Variants in SPR observed in about 807,000 individuals in gnomAD.
SPR encodes the protein sepiapterin reductase.
In SPR, 12 loss-of-function variants were observed where a neutral mutation model predicts 16.0. The ratio of observed to expected loss-of-function variants is 0.75; its 90% CI spans 0.48 to 1.22. The LOEUF (loss-of-function observed/expected upper bound fraction) is 1.22. Ranked by LOEUF, SPR falls within the 50% of genes most tolerant of loss-of-function variation. SPR has a pLI of 0.00. For missense variants in SPR, 324 were observed against 344.4 expected, an observed-to-expected ratio of 0.94 and a Z score of 0.47; for synonymous variants, 177 against 168.5, an observed-to-expected ratio of 1.05 and a Z score of -0.39.
At chr2:72,888,749 A>G in intron 2 of SPR, 145 bp downstream of exon 2, 1 of 930,370 alleles carries the variant, frequency 1.1e-6, no homozygotes, top group Non-Finnish European at 1.5e-6. Context: ...CTTAGGGGAA[A>G]TACAGACCCA....
In SPR at chr2:72,891,808, T is replaced by G. The variant is rs2105243614; in HGVS notation, c.*271T>G. 2.0e-6 allele frequency: 1 copy of G among 510,602 alleles called. No homozygotes were observed. Among genetic ancestry groups the G allele is most frequent in the Admixed American group, 3.2e-5 (1 of 31,190 alleles). 31.6% of individuals were successfully genotyped at this position (510,602 alleles called of 1,614,324 possible). A position where few individuals can be genotyped will look rare whatever the true frequency, so the allele number is the denominator to read the frequency against. ...GTGTCTCTATCCCCAGGAATAGAAC[T>G]TAAGGGGTGGGAAGAACAGGAAAAG... On this transcript the variant is annotated 3_prime_UTR_variant, in exon 3 of 3. Coordinates refer to ENST00000234454, the MANE Select transcript of SPR (RefSeq NM_003124.5).
Position 72,891,704 on chromosome 2 carries a change from T to C in SPR, c.*167T>C. 4 of 794,760 alleles carry C rather than the reference T, an allele frequency of 5.0e-6. No individual in the cohort carries two copies. Among genetic ancestry groups the C allele is most frequent in the Admixed American group, 2.1e-5 (1 of 47,732 alleles). 49.2% of individuals were successfully genotyped at this position (794,760 alleles called of 1,614,324 possible). A position where few individuals can be genotyped will look rare whatever the true frequency, so the allele number is the denominator to read the frequency against. On this transcript the variant is annotated 3_prime_UTR_variant, in exon 3 of 3. Coordinates refer to ENST00000234454, the MANE Select transcript of SPR (RefSeq NM_003124.5). Reference sequence around the variant, plus strand: ...CAGCCAGCTGTGAGCTCCCAGGTCATTGGCCTTACCAGTTGTCAGGAGTCT... The same window carrying C: ...CAGCCAGCTGTGAGCTCCCAGGTCACTGGCCTTACCAGTTGTCAGGAGTCT...
chr2:72,888,345 G>A lies in SPR; in HGVS notation c.336G>A (p.Val112=), dbSNP rs958678529. 8 of 1,614,060 alleles carry A rather than the reference G, an allele frequency of 5.0e-6. No individual in the cohort carries two copies. In the African/African-American group the frequency reaches 9.3e-5, roughly 19 times the overall value. Residue 112 remains valine, a synonymous_variant, in exon 2 of 3, where the codon GTG becomes GTA. Coordinates refer to ENST00000234454, the MANE Select transcript of SPR (RefSeq NM_003124.5). Reference sequence around the variant, plus strand: ...TTGGGGATGTGTCCAAAGGCTTCGTGGACCTGAGTGACTCCACTCAAGTGA... The same window carrying A: ...TTGGGGATGTGTCCAAAGGCTTCGTAGACCTGAGTGACTCCACTCAAGTGA... ...GSLGDVSKGF[V]DLSDSTQVNN... is the part of the protein sequence containing the mutation.
intron 2 of SPR, among the ~76,000 whole-genome samples, chr2:72,890,054 T>C (rs1403001632): frequency 1.3e-5 from 2 of 152,200 alleles, no homozygotes; most frequent in African/African-American, 4.8e-5. Flanking sequence ...CTTGCAACAG[T>C]TCAAGAAGGG....
rs1033361733 is a variant in SPR at position 72,891,622 on chromosome 2, G to A, written c.*85G>A. 5 of 1,498,400 alleles carry A rather than the reference G, an allele frequency of 3.3e-6. No homozygotes were observed. Among genetic ancestry groups the A allele is most frequent in the Admixed American group, 3.6e-5 (2 of 56,178 alleles). The allele number at this position is 1,498,400 out of a possible 1,614,324, so 92.8% of individuals were successfully genotyped here. A position where few individuals can be genotyped will look rare whatever the true frequency, so the allele number is the denominator to read the frequency against. ...CTGTGGCTCCCCACACCCTGCCATAGGGGCAGTCCTGCCTTACACATAGAA... is the reference window on the plus strand; with the variant it reads ...CTGTGGCTCCCCACACCCTGCCATAAGGGCAGTCCTGCCTTACACATAGAA... On this transcript the variant is annotated 3_prime_UTR_variant, in exon 3 of 3. Transcript: ENST00000234454.
In SPR at chr2:72,887,497, C is replaced by T. The variant is rs1293170986; in HGVS notation, c.65C>T (p.Thr22Met). 7 of 1,495,466 alleles carry T rather than the reference C, an allele frequency of 4.7e-6. No homozygotes were observed. In the South Asian group the frequency reaches 5.0e-5, roughly 11 times the overall value. The allele number at this position is 1,495,466 out of a possible 1,614,324, so 92.6% of individuals were successfully genotyped here. A position where few individuals can be genotyped will look rare whatever the true frequency, so the allele number is the denominator to read the frequency against. ...LTGASRGFGRTLAPLLASLLS... is the reference protein window; with the variant it reads ...LTGASRGFGRMLAPLLASLLS... ...GGGGCCTCCCGCGGCTTCGGCCGGA[C>T]GCTGGCCCCGCTCCTGGCCTCGCTG... is the stretch of plus-strand genomic sequence containing the variant. The change falls in exon 1 of 3, where the codon ACG becomes ATG. Residue 22 changes from threonine (T) to methionine (M), a missense_variant. By Grantham distance (81) the Thr-to-Met change is moderately conservative (BLOSUM62 -1). Coordinates refer to ENST00000234454, the MANE Select transcript of SPR (RefSeq NM_003124.5).
In SPR at chr2:72,888,651, C is replaced by T. The variant is rs369644304; in HGVS notation, c.595+47C>T. Reference sequence around the variant, plus strand: ...CCCTGTCCTCCAGAACCCACTGGTGCGCCTCTGGGGGCTGGGCAAGCGGCC... The same window carrying T: ...CCCTGTCCTCCAGAACCCACTGGTGTGCCTCTGGGGGCTGGGCAAGCGGCC... On this transcript the variant is annotated intron_variant, in intron 2 of 2. Transcript: ENST00000234454. 1,317 of 1,547,820 alleles carry T rather than the reference C, an allele frequency of 8.5e-4. 29 individuals carry two copies. In the South Asian group the frequency reaches 0.016, roughly 19 times the overall value.
chr2:72,891,203 A>G, intron 2 of SPR, 144 bp from the exon 3 acceptor site: 1 of 874,296 alleles, frequency 1.1e-6, no homozygotes, highest in Non-Finnish European at 1.8e-6. Context: ...GCCTTTGGCA[A>G]CCCTGACCAC....
chr2:72,891,863 G>C lies in SPR; in HGVS notation c.*326G>C. On this transcript the variant is annotated 3_prime_UTR_variant, in exon 3 of 3. Transcript: ENST00000234454. ...TGGAACACAGAAGAGAGGAGGTTGTGTCTCTTGCTCATAGCAAGCCTGTGG... is the reference window on the plus strand; with the variant it reads ...TGGAACACAGAAGAGAGGAGGTTGTCTCTCTTGCTCATAGCAAGCCTGTGG... The C allele has an allele frequency of 2.6e-6, 1 of 391,446 alleles. No individual in the cohort carries two copies. The highest frequency in any genetic ancestry group is 4.8e-6 in the Non-Finnish European group (1 of 206,712). 24.2% of individuals were successfully genotyped at this position (391,446 alleles called of 1,614,324 possible).
intron 1 of SPR, 112 bp from the exon 2 acceptor site, chr2:72,888,202 A>G: frequency 9.0e-7 from 1 of 1,105,912 alleles, no homozygotes; most frequent in Non-Finnish European, 1.4e-6. Flanking sequence ...AGCGCTAGGC[A>G]GCTTCCTCCT....
Position 72,888,632 on chromosome 2 carries a change from C to T in SPR, c.595+28C>T, listed in dbSNP as rs1670578385. 3.2e-6 allele frequency: 5 copies of T among 1,570,780 alleles called. No homozygotes were observed. The East Asian group carries it at 9.0e-5, about 28-fold the overall frequency. On this transcript the variant is annotated intron_variant, in intron 2 of 2. Coordinates refer to ENST00000234454, the MANE Select transcript of SPR (RefSeq NM_003124.5). ...AGGTGGGAAGTCCTGCCGTCCCTGT[C>T]CTCCAGAACCCACTGGTGCGCCTCT...
At position 72,887,574 on chromosome 2, in the gene SPR, C is replaced by T; in HGVS notation, c.142C>T (p.Arg48Cys). 1.4e-6 allele frequency: 2 copies of T among 1,429,588 alleles called. No homozygotes were observed. Among genetic ancestry groups the T allele is most frequent in the Non-Finnish European group, 9.1e-7 (1 of 1,100,480 alleles). 88.6% of individuals were successfully genotyped at this position (1,429,588 alleles called of 1,614,324 possible). A position where few individuals can be genotyped will look rare whatever the true frequency, so the allele number is the denominator to read the frequency against. Residue 48 changes from arginine (R) to cysteine (C), a missense_variant, in exon 1 of 3, where the codon CGC (arginine) becomes TGC (cysteine). Physicochemically the swap from Arg to Cys is radical, Grantham distance 180. Coordinates refer to ENST00000234454, the MANE Select transcript of SPR (RefSeq NM_003124.5). ...TAGCGCCCGCAACGACGAGGCACTGCGCCAGCTGGAGGCCGAGCTGGGCGC... is the reference window on the plus strand; with the variant it reads ...TAGCGCCCGCAACGACGAGGCACTGTGCCAGCTGGAGGCCGAGCTGGGCGC... ...VLSARNDEAL[R>C]QLEAELGAER...
rs529087338 is a variant in SPR at position 72,891,945 on chromosome 2, G to T, written c.*408G>T. ...GAGGACCCATGTAGATTCGCAGATG[G>T]CCTGGATGGGAGGAAGGGCAGACGG... On this transcript the variant is annotated 3_prime_UTR_variant, in exon 3 of 3. Coordinates refer to ENST00000234454, the MANE Select transcript of SPR (RefSeq NM_003124.5). 27 of 243,038 alleles carry T rather than the reference G, an allele frequency of 1.1e-4. No individual in the cohort carries two copies. The highest frequency in any genetic ancestry group is 1.8e-4 in the Non-Finnish European group (22 of 121,328). 15.1% of individuals were successfully genotyped at this position (243,038 alleles called of 1,614,324 possible).
intron 2 of SPR, among the ~76,000 whole-genome samples, chr2:72,889,057 C>T (rs1189141733): frequency 6.6e-6 from 1 of 152,202 alleles, no homozygotes; most frequent in African/African-American, 2.4e-5. Flanking sequence ...CTCCTTCCCT[C>T]CCTTGACAGG....
rs1332806514 is a variant in SPR, at chr2:72,888,371, A to G, written c.362A>G (p.Asn121Ser). 1 of 1,614,058 alleles carries G rather than the reference A, an allele frequency of 6.2e-7. No homozygotes were observed. The highest frequency in any genetic ancestry group is 8.5e-7 in the Non-Finnish European group (1 of 1,180,036). ...FVDLSDSTQV[N>S]NYWALNLTSM... Reference sequence around the variant, plus strand: ...GACCTGAGTGACTCCACTCAAGTGAACAACTACTGGGCACTGAACTTGACC... The same window carrying G: ...GACCTGAGTGACTCCACTCAAGTGAGCAACTACTGGGCACTGAACTTGACC... Residue 121 changes from asparagine (N) to serine (S), a missense_variant, in exon 2 of 3, where the codon AAC becomes AGC. Asn to Ser is a conservative substitution (Grantham distance 46). Transcript: ENST00000234454.
chr2:72,890,907 G>A (rs544273046), intron 2 of SPR, among the ~76,000 whole-genome samples: 1 of 152,266 alleles, frequency 6.6e-6, no homozygotes, highest in African/African-American at 2.4e-5. Context: ...GCTGAGGCAG[G>A]GAGAGAAGCA....
intron 2 of SPR, among the ~76,000 whole-genome samples, chr2:72,889,369 G>A (rs1670588192): frequency 6.6e-6 from 1 of 152,174 alleles, no homozygotes; most frequent in South Asian, 2.1e-4. Context: ...CAATCAGAAG[G>A]TGGTGACAGA....
chr2:72,891,690 G>T lies in SPR; in HGVS notation c.*153G>T. ...CCTGCCCTCAGGCACAGCCAGCTGT[G>T]AGCTCCCAGGTCATTGGCCTTACCA... On this transcript the variant is annotated 3_prime_UTR_variant, in exon 3 of 3. Transcript: ENST00000234454. 1.1e-6 allele frequency: 1 copy of T among 873,234 alleles called. No individual in the cohort carries two copies. The highest frequency in any genetic ancestry group is 1.7e-5 in the African/African-American group (1 of 60,060). The allele number at this position is 873,234 out of a possible 1,614,324, so 54.1% of individuals were successfully genotyped here.
At position 72,888,194 on chromosome 2, in the gene SPR, C is replaced by T. The variant is rs1226452161; in HGVS notation, c.305-120C>T. 56 of 1,031,534 alleles carry T rather than the reference C, an allele frequency of 5.4e-5. No homozygotes were observed. The East Asian group carries it at 1.2e-3, about 22-fold the overall frequency. 63.9% of individuals were successfully genotyped at this position (1,031,534 alleles called of 1,614,324 possible). On this transcript the variant is annotated intron_variant, in intron 1 of 2. Coordinates refer to ENST00000234454, the MANE Select transcript of SPR (RefSeq NM_003124.5). ...GGGAAGAGAGAAGCCTCTTCAGAAG[C>T]GCTAGGCAGCTTCCTCCTCTAGGTC...
Sources: gnomAD v4.1 joint callset for allele counts (sites outside exome capture counted in the v4.1 genomes callset) on GRCh38, gnomAD v4.1.1 for gene constraint, MANE v1.5 for transcripts, NCBI Gene and HGNC (gene_info 2026-07-23, HGNC 2026-07-21) for gene names.